SCP2: variants seen among roughly 807,000 people sequenced by gnomAD.
SCP2 encodes SCP-2/3-oxoacyl-CoA thiolase.
In SCP2, 48 loss-of-function variants were observed where a neutral mutation model predicts 71.4. The ratio of observed to expected loss-of-function variants is 0.67; its 90% CI spans 0.53 to 0.86. The LOEUF is 0.86. Ranked by LOEUF, SCP2 falls within the 40% of genes least tolerant of loss-of-function variation. The pLI, the probability that SCP2 is intolerant of heterozygous loss-of-function variation, is 0.00. For synonymous variants in SCP2, 220 were observed against 218.1 expected, an observed-to-expected ratio of 1.01 and a Z score of -0.08; for missense variants, 560 against 655.6, an observed-to-expected ratio of 0.85 and a Z score of 1.59.
chr1:53,044,064 C>CTT (rs534416974), intron 14 of SCP2, among the ~76,000 whole-genome samples: 2 of 146,518 alleles, frequency 1.4e-5, no homozygotes, highest in Admixed American at 6.8e-5. Flanking sequence ...TATTCCATCT[C>CTT]TTTTTTTTTT....
chr1:53,001,005 A>G (rs894233588), intron 11 of SCP2, among the ~76,000 whole-genome samples: 4 of 151,958 alleles, frequency 2.6e-5, no homozygotes, highest in African/African-American at 9.7e-5. Flanking sequence ...CTCTCTCTCT[A>G]TATGTATGTT....
chr1:53,044,795 C>T (rs1663682276), intron 14 of SCP2, among the ~76,000 whole-genome samples: 1 of 152,146 alleles, frequency 6.6e-6, no homozygotes, highest in South Asian at 2.1e-4. Flanking sequence ...CTTGAAACCT[C>T]TCATTTGGAC....
chr1:52,960,593 T>G (rs944365211), intron 5 of SCP2, among the ~76,000 whole-genome samples: 3 of 148,636 alleles, frequency 2.0e-5, no homozygotes, highest in Admixed American at 6.8e-5. Flanking sequence ...TGTATGTATA[T>G]GTATATATGT....
chr1:53,008,267 T>G (rs1660758675), intron 11 of SCP2, among the ~76,000 whole-genome samples: 2 of 152,192 alleles, frequency 1.3e-5, no homozygotes, highest in African/African-American at 4.8e-5. Flanking sequence ...GAATCCTCCC[T>G]AACTCAATTT....
At chr1:53,014,865 C>T (rs766989341) in intron 11 of SCP2, 25 bp from the exon 12 acceptor site, 3 of 1,611,578 alleles carry the variant, frequency 1.9e-6, no homozygotes, top group Non-Finnish European at 2.5e-6. Flanking sequence ...GGAAGCAGCT[C>T]AGTGCTCTGT....
At chr1:52,990,831 G>A (rs1659432047) in intron 11 of SCP2, among the ~76,000 whole-genome samples, 1 of 152,024 alleles carries the variant, frequency 6.6e-6, no homozygotes, top group African/African-American at 2.4e-5. Context: ...GCCAAGGAAG[G>A]AGAGTGTTTC....
At chr1:52,933,815 A>G (rs1009045458) in intron 1 of SCP2, among the ~76,000 whole-genome samples, 7 of 152,240 alleles carry the variant, frequency 4.6e-5, no homozygotes, top group African/African-American at 1.7e-4. Context: ...ACTATTCATA[A>G]TAATACTAAG....
chr1:52,940,742 C>CTTTTA lies in SCP2; in HGVS notation c.70-1034_70-1030dup, dbSNP rs796931845. On this transcript the variant is annotated intron_variant, in intron 1 of 15. Coordinates refer to ENST00000371514, the MANE Select transcript of SCP2 (RefSeq NM_002979.5). ...CTAAGGTACTTTTATGTTCATATCA[C>CTTTTA]TTTTATTTTATTTTATTTTATTTTT... 7.4e-4 allele frequency among the ~76,000 whole-genome samples: 112 copies of CTTTTA among 152,034 alleles called. 1 individual carries two copies. Among genetic ancestry groups the CTTTTA allele is most frequent in the African/African-American group, 2.3e-3 (94 of 41,510 alleles).
rs146707970 is a variant in SCP2 at position 53,022,188 on chromosome 1, GC to G, written c.1236-5779del. Among the ~76,000 whole-genome samples the G allele has an allele frequency of 4.5e-3, 680 of 152,242 alleles. 7 individuals carry two copies. The highest frequency in any genetic ancestry group is 0.016 in the African/African-American group (652 of 41,542). ...ACCTACTTTCTGTCTCTATGGATTT[GC>G]CTGTTATGGACGTTGTATGTAAATG... is the stretch of plus-strand genomic sequence containing the variant. On this transcript the variant is annotated intron_variant, in intron 12 of 15. Coordinates refer to ENST00000371514, the MANE Select transcript of SCP2 (RefSeq NM_002979.5).
chr1:52,994,305 G>A (rs747742183), intron 11 of SCP2: 347 of 995,264 alleles, frequency 3.5e-4, no homozygotes, highest in Non-Finnish European at 3.9e-4. Flanking sequence ...GCTTCCTTAC[G>A]CATATAGGAA....
intron 5 of SCP2, among the ~76,000 whole-genome samples, chr1:52,955,481 T>C (rs1033972205): frequency 2.0e-5 from 3 of 151,824 alleles, no homozygotes; most frequent in African/African-American, 7.3e-5. Flanking sequence ...CATGAGATGA[T>C]AGGGAGAGTT....
At chr1:53,011,539 T>C (rs1221704011) in intron 11 of SCP2, among the ~76,000 whole-genome samples, 1 of 152,210 alleles carries the variant, frequency 6.6e-6, no homozygotes, top group Non-Finnish European at 1.5e-5. Context: ...GTTACTTTCA[T>C]GTAAAAAGGT....
chr1:52,999,692 T>G (rs74980183), intron 11 of SCP2, among the ~76,000 whole-genome samples: 11,600 of 152,270 alleles, frequency 0.076, 610 homozygotes, highest in Non-Finnish European at 0.11. Flanking sequence ...ACTTGAACTT[T>G]TTTTGATTAC....
Position 52,974,829 on chromosome 1 carries a change from A to AC in SCP2, c.587dup (p.Tyr197ValfsTer7). The AC allele has an allele frequency of 1.4e-6, 2 of 1,423,570 alleles. No individual in the cohort carries two copies. The highest frequency in any genetic ancestry group is 2.0e-6 in the Non-Finnish European group (2 of 1,006,414). The allele number at this position is 1,423,570 out of a possible 1,614,324, so 88.2% of individuals were successfully genotyped here. Reference sequence around the variant, plus strand: ...AAAAATCATAAACATTCAGTTAATAACCCGTAAGTATTTCAGAGACATGAA... The same window carrying AC: ...AAAAATCATAAACATTCAGTTAATAACCCCGTAAGTATTTCAGAGACATGAA... On this transcript the variant is annotated frameshift_variant, in exon 7 of 16. Coordinates refer to ENST00000371514, the MANE Select transcript of SCP2 (RefSeq NM_002979.5). LOFTEE classifies it high-confidence loss of function.
At chr1:53,047,967 G>C (rs374337749) in intron 15 of SCP2, 30 bp downstream of exon 15, 1 of 1,478,458 alleles carries the variant, frequency 6.8e-7, no homozygotes, top group Non-Finnish European at 9.5e-7. Context: ...TATCCTGCTA[G>C]TAGGTAGGTC....
chr1:52,947,405 G>T (rs12061294), intron 2 of SCP2, among the ~76,000 whole-genome samples: 6,454 of 152,030 alleles, frequency 0.042, 398 homozygotes, highest in African/African-American at 0.13. Flanking sequence ...TCTGTTTGCT[G>T]CTCACTGTCA....
chr1:52,971,545 G>A (rs534181258), intron 6 of SCP2, among the ~76,000 whole-genome samples: 2 of 152,318 alleles, frequency 1.3e-5, no homozygotes, highest in East Asian at 1.9e-4. Flanking sequence ...TTTATTTAAC[G>A]TGTGTACACG....
chr1:53,047,706 A>T, intron 14 of SCP2, 152 bp from the exon 15 acceptor site: 2 of 639,174 alleles, frequency 3.1e-6, no homozygotes, highest in South Asian at 3.3e-5. Flanking sequence ...ACATTTTACC[A>T]GGCTGCCATA....
chr1:52,945,254 C>T (rs1475586731), intron 2 of SCP2, among the ~76,000 whole-genome samples: 1 of 152,008 alleles, frequency 6.6e-6, no homozygotes, highest in Non-Finnish European at 1.5e-5. Context: ...AGTGGCTATT[C>T]ACAGGTCCAG....
Sources: allele counts gnomAD v4.1 joint callset (sites outside exome capture counted in the v4.1 genomes callset), GRCh38; gene constraint gnomAD v4.1.1; transcripts MANE v1.5; gene names NCBI Gene and HGNC (gene_info 2026-07-23, HGNC 2026-07-21).